The following NRDE2 variants were observed in gnomAD, a reference collection of about 807,000 sequenced individuals.
NRDE2 encodes nuclear exosome regulator NRDE2.
NRDE2 carries 76 observed loss-of-function variants against 124.2 expected under a neutral mutation model. The observed-to-expected ratio is 0.61, with a 90% CI of 0.51 to 0.74. The LOEUF (loss-of-function observed/expected upper bound fraction) is 0.74. Ranked by LOEUF, NRDE2 falls within the 30% of genes least tolerant of loss-of-function variation. NRDE2 has a pLI of 0.00. For synonymous variants in NRDE2, 489 were observed against 528.1 expected, an observed-to-expected ratio of 0.93 and a Z score of 1.01; for missense variants, 1,314 against 1,417.3, an observed-to-expected ratio of 0.93 and a Z score of 1.17.
At position 90,305,049 on chromosome 14, in the gene NRDE2, T is replaced by C. The variant is rs184276783; in HGVS notation, c.558-667A>G. On this transcript the variant is annotated intron_variant, in intron 4 of 13. Coordinates refer to ENST00000354366, the MANE Select transcript of NRDE2 (RefSeq NM_017970.4). ...TGCACAGGCAAAAGCTAAGGAAAAT[T>C]GTACATTTTTCTGTATGTATGTTAG... Among the ~76,000 whole-genome samples the C allele has an allele frequency of 3.3e-5, 5 of 152,268 alleles. No homozygotes were observed. The East Asian group carries it at 7.7e-4, about 23-fold the overall frequency.
At chr14:90,293,120 CACAT>C (rs1480386990) in intron 8 of NRDE2, among the ~76,000 whole-genome samples, 1 of 152,150 alleles carries the variant, frequency 6.6e-6, no homozygotes, top group Non-Finnish European at 1.5e-5. Context: ...ATGGAAATGA[CACAT>C]ACTCTAGAAC....
rs115345450 is a variant in NRDE2, at chr14:90,316,238, C to T, written c.407+340G>A. ...AGAGAAAGAAGATGTTTCTCCTACC[C>T]AGAGTGTGGAGACCCACGGCCCTCA... On this transcript the variant is annotated intron_variant, in intron 3 of 13. Transcript: ENST00000354366. 7.5e-3 allele frequency among the ~76,000 whole-genome samples: 1,134 copies of T among 152,204 alleles called. 18 individuals are homozygous for T. The highest frequency in any genetic ancestry group is 0.026 in the African/African-American group (1,066 of 41,534).
At chr14:90,289,194 G>A (rs768530616) in intron 10 of NRDE2, 49 bp from the exon 11 acceptor site, 27 of 1,448,246 alleles carry the variant, frequency 1.9e-5, no homozygotes, top group Middle Eastern at 1.8e-4. Context: ...TAATTAAGGC[G>A]TCCTCTGCTG....
In NRDE2 at chr14:90,298,384, T is replaced by A. The variant is rs376996971; in HGVS notation, c.1546-4A>T. The A allele has an allele frequency of 1.5e-5, 24 of 1,613,646 alleles. No individual in the cohort carries two copies. The African/African-American group carries it at 2.8e-4, about 19-fold the overall frequency. On this transcript the variant is annotated splice_polypyrimidine_tract_variant and splice_region_variant and intron_variant, in intron 7 of 13. Coordinates refer to ENST00000354366, the MANE Select transcript of NRDE2 (RefSeq NM_017970.4). ...AAAAGGGTTCAAAGAATTCCACCTG[T>A]TCAGATTTTAGAATGGACGTTAGAC... is the stretch of plus-strand genomic sequence containing the variant.
intron 1 of NRDE2, among the ~76,000 whole-genome samples, chr14:90,319,542 C>A (rs527764057): frequency 6.6e-6 from 1 of 152,010 alleles, no homozygotes; most frequent in East Asian, 1.9e-4. Context: ...AACCTGCTTT[C>A]TATCTCTCTA....
Position 90,268,473 on chromosome 14 carries a change from T to G in NRDE2, c.*9863A>C. On this transcript the variant is annotated 3_prime_UTR_variant, in exon 14 of 14. Transcript: ENST00000354366. ...TAGGGAACACCGCATAGCTCTTCTCTTGAGAATGAGCAATCTCAGGGGGCT... is the reference window on the plus strand; with the variant it reads ...TAGGGAACACCGCATAGCTCTTCTCGTGAGAATGAGCAATCTCAGGGGGCT... The G allele has an allele frequency of 6.5e-7, 1 of 1,529,072 alleles. No individual in the cohort carries two copies. The highest frequency in any genetic ancestry group is 9.0e-7 in the Non-Finnish European group (1 of 1,112,980). 94.7% of individuals were successfully genotyped at this position (1,529,072 alleles called of 1,614,324 possible).
At chr14:90,280,792 C>G (rs1891932933) in intron 12 of NRDE2, 1 of 152,380 alleles carries the variant, frequency 6.6e-6, no homozygotes. Flanking sequence ...TGAGACCCCT[C>G]ATGAAATTCC....
At chr14:90,328,016 G>A (rs1595081139) in intron 1 of NRDE2, among the ~76,000 whole-genome samples, 1 of 151,954 alleles carries the variant, frequency 6.6e-6, no homozygotes, top group Admixed American at 6.6e-5. Flanking sequence ...GGTGGCAAGC[G>A]CCTGTAGTCC....
rs781137578 is a variant in NRDE2, at chr14:90,312,392, A to G, written c.557+2T>C. 2.4e-5 allele frequency: 38 copies of G among 1,613,482 alleles called. No homozygotes were observed. The highest frequency in any genetic ancestry group is 3.1e-5 in the Non-Finnish European group (36 of 1,179,846). On this transcript the variant is annotated splice_donor_variant, in intron 4 of 13. Transcript: ENST00000354366. LOFTEE classifies it high-confidence loss of function. ...AAAACTGGGGGAAAACAAGGTGACT[A>G]CCTTGCTATATCCCCTCGGTAGAGA...
At chr14:90,287,542 G>C (rs1305931989) in intron 11 of NRDE2, among the ~76,000 whole-genome samples, 1 of 152,064 alleles carries the variant, frequency 6.6e-6, no homozygotes, top group Non-Finnish European at 1.5e-5. Flanking sequence ...GATCACTTGA[G>C]CCCAGGAGGT....
chr14:90,316,739 CT>C lies in NRDE2; in HGVS notation c.245del (p.Lys82ArgfsTer77). On this transcript the variant is annotated frameshift_variant, in exon 3 of 14. Coordinates refer to ENST00000354366, the MANE Select transcript of NRDE2 (RefSeq NM_017970.4). LOFTEE classifies it high-confidence loss of function. Reference sequence around the variant, plus strand: ...TCCTTTTTTTCTTTTTCTCTTTCTTCTTTTTTCTACTTGTTTGTTTGAGCTT... The same window carrying C: ...TCCTTTTTTTCTTTTTCTCTTTCTTCTTTTTCTACTTGTTTGTTTGAGCTT... Reference protein sequence around the residue: ...NKKLKQTSRKKKKEKKKKRKH... With the variant: ...NKKLKQTSRKXKKEKKKKRKH... The C allele has an allele frequency of 6.2e-7, 1 of 1,613,322 alleles. No homozygotes were observed. The highest frequency in any genetic ancestry group is 8.5e-7 in the Non-Finnish European group (1 of 1,179,862).
At chr14:90,328,799 A>G (rs1449206312) in intron 1 of NRDE2, among the ~76,000 whole-genome samples, 1 of 152,238 alleles carries the variant, frequency 6.6e-6, no homozygotes, top group Non-Finnish European at 1.5e-5. Flanking sequence ...TTACAGGACA[A>G]ATGACACGGT....
intron 1 of NRDE2, among the ~76,000 whole-genome samples, chr14:90,323,845 G>A (rs924732821): frequency 6.6e-5 from 10 of 152,134 alleles, no homozygotes; most frequent in Non-Finnish European, 1.3e-4. Context: ...TTTCTTGGTT[G>A]TGCAACTCTG....
chr14:90,284,534 T>C (rs1206468924), intron 12 of NRDE2, among the ~76,000 whole-genome samples: 1 of 144,266 alleles, frequency 6.9e-6, no homozygotes, highest in East Asian at 1.9e-4. Context: ...TCCAGCTAAT[T>C]TTTTTTGTAT....
intron 4 of NRDE2, among the ~76,000 whole-genome samples, chr14:90,311,695 T>C (rs960149808): frequency 2.0e-5 from 3 of 152,216 alleles, no homozygotes; most frequent in African/African-American, 7.2e-5. Context: ...ATCTTTTGGT[T>C]TCCCTGGGCC....
At chr14:90,322,655 G>A (rs565897239) in intron 1 of NRDE2, among the ~76,000 whole-genome samples, 40 of 152,250 alleles carry the variant, frequency 2.6e-4, no homozygotes, top group African/African-American at 9.1e-4. Flanking sequence ...ACACACCCAG[G>A]CACAGGTCTA....
intron 2 of NRDE2, among the ~76,000 whole-genome samples, chr14:90,317,165 C>CT (rs1302653071): frequency 6.6e-6 from 1 of 152,080 alleles, no homozygotes; most frequent in African/African-American, 2.4e-5. Flanking sequence ...AATCCTAGCA[C>CT]TTTGGGAGGC....
At chr14:90,330,982 A>G (rs544872120) in intron 1 of NRDE2, among the ~76,000 whole-genome samples, 1 of 151,824 alleles carries the variant, frequency 6.6e-6, no homozygotes, top group African/African-American at 2.4e-5. Context: ...GGCAGGATGC[A>G]GCGGCACGAT....
At chr14:90,297,071 G>A (rs571270494) in intron 8 of NRDE2, among the ~76,000 whole-genome samples, 3 of 151,192 alleles carry the variant, frequency 2.0e-5, no homozygotes, top group Non-Finnish European at 4.4e-5. Flanking sequence ...CCTGGGAGGC[G>A]GAGGTTGCAG....
Sources: gnomAD v4.1 joint callset for allele counts (sites outside exome capture counted in the v4.1 genomes callset) on GRCh38, gnomAD v4.1.1 for gene constraint, MANE v1.5 for transcripts, NCBI Gene and HGNC (gene_info 2026-07-23, HGNC 2026-07-21) for gene names.